Variants in ARMC2 observed in about 807,000 individuals in gnomAD.
The protein encoded by ARMC2 is armadillo repeat containing 2, also known as armadillo repeat-containing protein 2.
Under a neutral mutation model 90.3 loss-of-function variants are expected in ARMC2, and 67 were observed. That is an observed-to-expected ratio of 0.74 (90% confidence interval 0.61 to 0.91). ARMC2 has a LOEUF of 0.91. Ranked by LOEUF, ARMC2 falls within the 40% of genes least tolerant of loss-of-function variation. ARMC2 has a pLI of 0.00. For missense variants in ARMC2, 920 were observed against 1,030.9 expected (o/e 0.89, Z 1.47); for synonymous variants, 393 against 393.0 (o/e 1.00, Z 0.00).
the ARMC2 span, among the ~76,000 whole-genome samples, chr6:109,009,867 C>A: frequency 3.0e-4 from 46 of 152,238 alleles, 1 homozygote; most frequent in South Asian, 9.5e-3. Context: ...GCCCCCTACA[C>A]CCCTGCTCGG....
chr6:109,002,324 G>T, the ARMC2 span: 1 of 1,613,252 alleles, frequency 6.2e-7, no homozygotes, highest in Non-Finnish European at 8.5e-7. Context: ...TAGTGGTCGA[G>T]GAATTCTAAT....
intron 5 of ARMC2, among the ~76,000 whole-genome samples, chr6:108,884,339 G>T (rs1358109079): frequency 1.3e-5 from 2 of 152,134 alleles, no homozygotes. Flanking sequence ...ATTAGAATCT[G>T]CATTTTTATA....
chr6:108,863,965 G>C (rs918288366), intron 3 of ARMC2, among the ~76,000 whole-genome samples: 7 of 152,140 alleles, frequency 4.6e-5, no homozygotes, highest in Non-Finnish European at 1.0e-4. Flanking sequence ...CTGAGCTCCA[G>C]GTAATTGATA....
intron 8 of ARMC2, among the ~76,000 whole-genome samples, chr6:108,910,659 A>G (rs746939987): frequency 2.0e-5 from 3 of 152,200 alleles, no homozygotes; most frequent in Non-Finnish European, 1.5e-5. Context: ...CACAATCGCT[A>G]AGATCTGTCA....
Position 108,921,062 on chromosome 6 carries a change from G to T in ARMC2, c.1351-7026G>T, listed in dbSNP as rs116316594. Among the ~76,000 whole-genome samples the T allele has an allele frequency of 5.6e-3, 851 of 152,302 alleles. 9 individuals are homozygous for T. Among genetic ancestry groups the T allele is most frequent in the African/African-American group, 0.019 (807 of 41,550 alleles). On this transcript the variant is annotated intron_variant, in intron 10 of 17. Coordinates refer to ENST00000392644, the MANE Select transcript of ARMC2 (RefSeq NM_032131.6). Reference sequence around the variant, plus strand: ...GTAGATCTATTAGTTGTGGCAGTAAGGAAATGTCACTAGCTTTAGCATATA... The same window carrying T: ...GTAGATCTATTAGTTGTGGCAGTAATGAAATGTCACTAGCTTTAGCATATA...
intron 4 of ARMC2, among the ~76,000 whole-genome samples, chr6:108,872,476 C>G (rs1776519533): frequency 6.6e-6 from 1 of 152,196 alleles, no homozygotes; most frequent in Non-Finnish European, 1.5e-5. Flanking sequence ...CTGCCTCCAT[C>G]CCTCTTGCCT....
intron 10 of ARMC2, among the ~76,000 whole-genome samples, chr6:108,918,542 G>A (rs1774222596): frequency 6.6e-6 from 1 of 151,898 alleles, no homozygotes; most frequent in Non-Finnish European, 1.5e-5. Context: ...GCAGAGCTGG[G>A]CTCAATCCTG....
downstream of ARMC2, among the ~76,000 whole-genome samples, chr6:108,974,982 C>T (rs2145767): frequency 0.091 from 13,735 of 151,658 alleles, 842 homozygotes; most frequent in Middle Eastern, 0.19. Context: ...GGCTGAGGCA[C>T]GAGAATCTTT....
chr6:109,044,855 C>T, the ARMC2 span, among the ~76,000 whole-genome samples: 13 of 152,290 alleles, frequency 8.5e-5, no homozygotes, highest in Admixed American at 5.9e-4. Context: ...GAAACCCCAT[C>T]TCTACTAAAA....
At position 108,899,703 on chromosome 6, in the gene ARMC2, C is replaced by G. The variant is rs1329475648; in HGVS notation, c.758C>G (p.Ala253Gly). The change falls in exon 7 of 18, where the codon GCT becomes GGT. Residue 253 changes from alanine to glycine, a missense_variant. Coordinates refer to ENST00000392644, the MANE Select transcript of ARMC2 (RefSeq NM_032131.6). The part of the protein sequence containing the change: ...SRLQTKAVPK[A>G]DLQEEDAEIE... ...TGGATTTCTTTTGCAGTCCCAAAAG[C>G]TGACCTGCAAGAAGAGGACGCAGAA... The G allele has an allele frequency of 6.2e-7, 1 of 1,613,358 alleles. No individual in the cohort carries two copies. Among genetic ancestry groups the G allele is most frequent in the Non-Finnish European group, 8.5e-7 (1 of 1,179,582 alleles).
chr6:108,896,028 TA>T (rs1771581477), intron 6 of ARMC2, among the ~76,000 whole-genome samples: 1 of 152,256 alleles, frequency 6.6e-6, no homozygotes, highest in Non-Finnish European at 1.5e-5. Flanking sequence ...TAGTAGATTT[TA>T]AAAATTCTTA....
At chr6:108,861,515 C>T (rs1312762266) in intron 3 of ARMC2, among the ~76,000 whole-genome samples, 1 of 152,162 alleles carries the variant, frequency 6.6e-6, no homozygotes, top group Non-Finnish European at 1.5e-5. Flanking sequence ...CCCCAATTGC[C>T]TCAAAATGTA....
At chr6:108,853,188 T>G (rs758845792) in intron 1 of ARMC2, among the ~76,000 whole-genome samples, 3 of 152,188 alleles carry the variant, frequency 2.0e-5, no homozygotes, top group East Asian at 1.9e-4. Context: ...GACATATTGT[T>G]TATAGTTTTC....
chr6:108,945,914 G>A (rs918462003), intron 12 of ARMC2, among the ~76,000 whole-genome samples: 5 of 152,238 alleles, frequency 3.3e-5, no homozygotes, highest in Non-Finnish European at 7.3e-5. Flanking sequence ...TTTGTAGGGC[G>A]ACTTGGCTCC....
chr6:109,031,384 G>A, the ARMC2 span, among the ~76,000 whole-genome samples: 1 of 152,140 alleles, frequency 6.6e-6, no homozygotes, highest in East Asian at 1.9e-4. Context: ...GGAAGAGGTA[G>A]TGCTACCATT....
At chr6:109,035,629 T>C in the ARMC2 span, among the ~76,000 whole-genome samples, 1 of 152,174 alleles carries the variant, frequency 6.6e-6, no homozygotes, top group Non-Finnish European at 1.5e-5. Context: ...CTGTCACTTT[T>C]TTTGAGAAGG....
intron 5 of ARMC2, among the ~76,000 whole-genome samples, chr6:108,885,672 G>A (rs2768533): frequency 0.78 from 116,700 of 150,074 alleles, 45,645 homozygotes; most frequent in South Asian, 0.85. Context: ...AGACTCTGTC[G>A]CAAAAAAAAA....
chr6:109,039,009 AAGAG>A, the ARMC2 span, among the ~76,000 whole-genome samples: 1 of 149,810 alleles, frequency 6.7e-6, no homozygotes, highest in African/African-American at 2.5e-5. Context: ...GAAAAGAAGA[AAGAG>A]AAAGAAAGAA....
chr6:109,049,778 TTTTTTA>T, the ARMC2 span, among the ~76,000 whole-genome samples: 1 of 151,160 alleles, frequency 6.6e-6, no homozygotes, highest in Non-Finnish European at 1.5e-5. Context: ...TTTATATGTA[TTTTTTA>T]ATAGCATAGA....
Sources: allele counts gnomAD v4.1 joint callset (sites outside exome capture counted in the v4.1 genomes callset), GRCh38; gene constraint gnomAD v4.1.1; transcripts MANE v1.5; gene names NCBI Gene and HGNC (gene_info 2026-07-23, HGNC 2026-07-21).